CAST: variants seen among roughly 807,000 people sequenced by gnomAD.
CAST encodes MIR583 host.
CAST carries 76 observed loss-of-function variants against 119.6 expected under a neutral mutation model. That is an observed-to-expected ratio of 0.64 (90% CI 0.53 to 0.77). The LOEUF (loss-of-function observed/expected upper bound fraction) is 0.77. Ranked by LOEUF, CAST falls within the 30% of genes least tolerant of loss-of-function variation. CAST has a pLI of 0.00. For missense variants in CAST, 953 were observed against 946.5 expected, an observed-to-expected ratio of 1.01 and a Z score of -0.09; for synonymous variants, 319 against 331.6, an observed-to-expected ratio of 0.96 and a Z score of 0.41.
At chr5:96,197,427 A>G in the CAST span, among the ~76,000 whole-genome samples, 1 of 152,156 alleles carries the variant, frequency 6.6e-6, no homozygotes, top group Non-Finnish European at 1.5e-5. Context: ...AGAGATGAAT[A>G]CAAATTTTAA....
the CAST span, among the ~76,000 whole-genome samples, chr5:96,295,305 G>A: frequency 1.1e-4 from 16 of 152,284 alleles, no homozygotes; most frequent in African/African-American, 3.8e-4. Flanking sequence ...AAGGAGACAT[G>A]CTTGACTTTG....
intron 1 of CAST, among the ~76,000 whole-genome samples, chr5:96,656,395 A>G (rs553590822): frequency 6.6e-6 from 1 of 152,322 alleles, no homozygotes; most frequent in South Asian, 2.1e-4. Flanking sequence ...TTTGAGTGCA[A>G]CTGGGCCTCA....
At chr5:96,487,604 A>G in the CAST span, among the ~76,000 whole-genome samples, 2,158 of 152,358 alleles carry the variant, frequency 0.014, 26 homozygotes, top group South Asian at 0.024. Context: ...CTCCTAGACC[A>G]AGGATAAGGA....
chr5:96,035,041 GTATATA>G, the CAST span, among the ~76,000 whole-genome samples: 6 of 107,984 alleles, frequency 5.6e-5, no homozygotes, highest in Admixed American at 2.1e-4. Flanking sequence ...TTGTATTTAA[GTATATA>G]TATATATATA....
the CAST span, among the ~76,000 whole-genome samples, chr5:96,462,584 C>T: frequency 6.6e-6 from 1 of 152,036 alleles, no homozygotes; most frequent in Non-Finnish European, 1.5e-5. Flanking sequence ...TTTTGACTCT[C>T]ATTCCCAGGT....
chr5:96,258,707 C>T, the CAST span, among the ~76,000 whole-genome samples: 1 of 152,216 alleles, frequency 6.6e-6, no homozygotes, highest in East Asian at 1.9e-4. Context: ...TGACATATTA[C>T]TTTGTCCTCT....
At chr5:96,757,185 G>C (rs1277114717) in intron 22 of CAST, among the ~76,000 whole-genome samples, 1 of 152,096 alleles carries the variant, frequency 6.6e-6, no homozygotes, top group Non-Finnish European at 1.5e-5. Context: ...TAGTCTCTAG[G>C]CTTCTGAGGT....
the CAST span, among the ~76,000 whole-genome samples, chr5:96,050,689 G>C: frequency 5.3e-5 from 8 of 152,308 alleles, no homozygotes; most frequent in Non-Finnish European, 1.2e-4. Context: ...GACAGGAGTT[G>C]AATGCTCCAA....
At chr5:96,635,330 G>A (rs2150202448) in intron 1 of CAST, among the ~76,000 whole-genome samples, 1 of 152,282 alleles carries the variant, frequency 6.6e-6, no homozygotes, top group South Asian at 2.1e-4. Context: ...TTTAAGGGGA[G>A]AGGATAAGAA....
the CAST span, chr5:96,412,405 A>G: frequency 6.2e-7 from 1 of 1,614,078 alleles, no homozygotes; most frequent in Admixed American, 1.7e-5. Context: ...CCCAGCTTGC[A>G]CTGTAAATAT....
the CAST span, among the ~76,000 whole-genome samples, chr5:96,472,365 T>C: frequency 6.6e-6 from 1 of 152,166 alleles, no homozygotes; most frequent in Non-Finnish European, 1.5e-5. Context: ...TTCTTTCCAG[T>C]GTCAGCTCTT....
chr5:96,243,446 A>G, the CAST span, among the ~76,000 whole-genome samples: 5 of 152,014 alleles, frequency 3.3e-5, no homozygotes, highest in Non-Finnish European at 7.4e-5. Context: ...GCTTGACTGA[A>G]TTTACATTTT....
At chr5:96,387,496 C>G in the CAST span, among the ~76,000 whole-genome samples, 1 of 152,118 alleles carries the variant, frequency 6.6e-6, no homozygotes, top group Non-Finnish European at 1.5e-5. Flanking sequence ...CTAATTCTCT[C>G]TGGCAAGAGA....
rs186974572 is a variant in CAST, at chr5:96,565,776, G to A, written c.60+35896G>A. 4.5e-4 allele frequency among the ~76,000 whole-genome samples: 69 copies of A among 152,232 alleles called. 1 individual carries two copies. In the East Asian group the frequency reaches 0.012, roughly 26 times the overall value. On this transcript the variant is annotated intron_variant, in intron 1 of 11. Coordinates refer to the CAST transcript ENST00000505143. The stretch of plus-strand genomic sequence containing the variant: ...CAGCCATCTCCCCATGAGATGTACC[G>A]GGCAGAAGGGAATACCTGCTCTCCT...
the CAST span, among the ~76,000 whole-genome samples, chr5:96,437,287 G>A: frequency 6.6e-6 from 1 of 152,184 alleles, no homozygotes; most frequent in Non-Finnish European, 1.5e-5. Context: ...TATTAAAATG[G>A]AAGCAGTGAG....
chr5:96,727,003 G>T, intron 5 of CAST, 144 bp downstream of exon 5: 1 of 617,634 alleles, frequency 1.6e-6, no homozygotes. Context: ...CTGCCCATCA[G>T]CCACATTCTG....
chr5:96,616,456 G>A (rs1226429714), intron 1 of CAST, among the ~76,000 whole-genome samples: 1 of 152,174 alleles, frequency 6.6e-6, no homozygotes, highest in Admixed American at 6.5e-5. Context: ...CCAGCCTCAT[G>A]TATGGCCACC....
chr5:96,283,122 T>G, the CAST span, among the ~76,000 whole-genome samples: 2 of 30,226 alleles, frequency 6.6e-5, no homozygotes, highest in Admixed American at 3.7e-4. Context: ...AGAGCGAGAC[T>G]CCGTCTCAAA....
At chr5:96,038,377 TA>T in the CAST span, among the ~76,000 whole-genome samples, 2 of 152,066 alleles carry the variant, frequency 1.3e-5, no homozygotes, top group South Asian at 2.1e-4. Context: ...TCCTTTTTTT[TA>T]AAAATTATTA....
Sources: allele counts gnomAD v4.1 joint callset (sites outside exome capture counted in the v4.1 genomes callset), GRCh38; gene constraint gnomAD v4.1.1; transcripts MANE v1.5; gene names NCBI Gene and HGNC (gene_info 2026-07-23, HGNC 2026-07-21).